ICAM1: variants seen among roughly 807,000 people sequenced by gnomAD.
ICAM1 encodes the protein intercellular adhesion molecule 1, also known as ICAM-1.
Under a neutral mutation model 42.3 loss-of-function variants are expected in ICAM1, and 28 were observed. The observed-to-expected ratio is 0.66, with a 90% confidence interval of 0.49 to 0.91. The LOEUF is 0.91. Among genes scored for constraint, ICAM1 ranks in the 40% least tolerant of loss-of-function variants. ICAM1 has a pLI of 0.00. For missense variants in ICAM1, 637 were observed against 688.6 expected, an observed-to-expected ratio of 0.93 and a Z score of 0.84; for synonymous variants, 304 against 305.9, an observed-to-expected ratio of 0.99 and a Z score of 0.07.
At position 10,284,799 on chromosome 19, in the gene ICAM1, C is replaced by T. The variant is rs144924815; in HGVS notation, c.1197C>T (p.Asp399=). 8.9e-5 allele frequency: 143 copies of T among 1,604,864 alleles called. No homozygotes were observed. Among genetic ancestry groups the T allele is most frequent in the East Asian group, 2.2e-4 (10 of 44,874 alleles). Residue 399 remains aspartate, a synonymous_variant, in exon 6 of 7, where the codon GAC becomes GAT. Transcript: ENST00000264832. The surrounding 1 kb of genome is among the most constrained non-coding windows in gnomAD (Gnocchi z 5.4). The stretch of plus-strand genomic sequence containing the variant: ...TTTTTCCAGATGGCCCCCGACTGGA[C>T]GAGAGGGATTGTCCGGGAAACTGGA... ...ELRVLYGPRL[D]ERDCPGNWTW... is the part of the protein sequence containing the mutation.
Position 10,274,795 on chromosome 19 carries a change from C to G in ICAM1, c.98C>G (p.Pro33Arg). 1 of 1,614,102 alleles carries G rather than the reference C, an allele frequency of 6.2e-7. No individual in the cohort carries two copies. The highest frequency in any genetic ancestry group is 8.5e-7 in the Non-Finnish European group (1 of 1,180,000). ...GGCAATGCCCAGACATCTGTGTCCC[C>G]CTCAAAAGTCATCCTGCCCCGGGGA... ...GPGNAQTSVS[P>R]SKVILPRGGS... Residue 33 changes from proline to arginine, a missense_variant, in exon 2 of 7, where the codon CCC (proline) becomes CGC (arginine). Pro to Arg is a moderately radical substitution (Grantham distance 103). Transcript: ENST00000264832.
intron 2 of ICAM1, among the ~76,000 whole-genome samples, chr19:10,278,202 A>G (rs778229646): frequency 1.3e-5 from 2 of 152,176 alleles, no homozygotes; most frequent in Non-Finnish European, 2.9e-5. Flanking sequence ...GTCTCTAAAA[A>G]ATAAAAACTG....
intron 2 of ICAM1, among the ~76,000 whole-genome samples, chr19:10,281,164 T>C (rs1320083314): frequency 3.9e-5 from 6 of 151,972 alleles, no homozygotes; most frequent in East Asian, 1.9e-4. Flanking sequence ...TGAGCCACCA[T>C]GTCTGGCCTG....
Position 10,285,110 on chromosome 19 carries a change from C to T in ICAM1, c.1427-5C>T, listed in dbSNP as rs1283848874. 5.6e-6 allele frequency: 9 copies of T among 1,614,064 alleles called. No homozygotes were observed. Among genetic ancestry groups the T allele is most frequent in the Non-Finnish European group, 5.9e-6 (7 of 1,179,996 alleles). ...TCCTCACCGCCTGTTGTATCCTCCC[C>T]ACAGCCCCCCGGTATGAGATTGTCA... On this transcript the variant is annotated splice_region_variant and splice_polypyrimidine_tract_variant and intron_variant, in intron 6 of 6. Coordinates refer to ENST00000264832, the MANE Select transcript of ICAM1 (RefSeq NM_000201.3).
chr19:10,280,913 G>A (rs1339395621), intron 2 of ICAM1, among the ~76,000 whole-genome samples: 4 of 112,376 alleles, frequency 3.6e-5, no homozygotes, highest in Admixed American at 2.6e-4. Flanking sequence ...TCACTCTGTC[G>A]CCCAGGCAGG....
At chr19:10,280,988 C>G (rs377180693) in intron 2 of ICAM1, among the ~76,000 whole-genome samples, 3 of 150,504 alleles carry the variant, frequency 2.0e-5, no homozygotes, top group Admixed American at 6.7e-5. Flanking sequence ...ATCCTCCTGC[C>G]TTAGCCTCCT....
At chr19:10,274,704 G>C (rs926864527) in intron 1 of ICAM1, 61 bp from the exon 2 acceptor site, 3 of 1,567,868 alleles carry the variant, frequency 1.9e-6, no homozygotes, top group Non-Finnish European at 2.6e-6. Flanking sequence ...CAGGCTGGGC[G>C]CACATTCCCT....
At position 10,272,604 on chromosome 19, in the gene ICAM1, G is replaced by T. The variant is rs5030342; in HGVS notation, c.67+1378G>T. Among the ~76,000 whole-genome samples the T allele has an allele frequency of 5.3e-3, 654 of 122,392 alleles. 5 individuals carry two copies. The highest frequency in any genetic ancestry group is 0.02 in the African/African-American group (616 of 30,420). The allele number at this position is 122,392 out of a possible 152,430, so 80.3% of individuals were successfully genotyped here. ...TTTTGAGACGGAGTCTCACTCTGTC[G>T]CCCAGGCTGGAGTGCAGTGGCGTGA... On this transcript the variant is annotated intron_variant, in intron 1 of 6. Coordinates refer to ENST00000264832, the MANE Select transcript of ICAM1 (RefSeq NM_000201.3).
chr19:10,280,868 CTTTTTT>C (rs869262659), intron 2 of ICAM1, among the ~76,000 whole-genome samples: 1 of 70,086 alleles, frequency 1.4e-5, no homozygotes. Context: ...CGTGCCCGGC[CTTTTTT>C]TTTTTTTTTT....
chr19:10,284,873 A>T lies in ICAM1; in HGVS notation c.1271A>T (p.Asn424Ile), dbSNP rs552634203. 2 of 1,594,854 alleles carry T rather than the reference A, an allele frequency of 1.3e-6. No individual in the cohort carries two copies. Among genetic ancestry groups the T allele is most frequent in the Non-Finnish European group, 8.5e-7 (1 of 1,173,088 alleles). The change falls in exon 6 of 7, where the codon AAC (asparagine) becomes ATC (isoleucine). Residue 424 changes from asparagine (N) to isoleucine (I), a missense_variant. Coordinates refer to ENST00000264832, the MANE Select transcript of ICAM1 (RefSeq NM_000201.3). This position sits in a 1 kb window ranked among gnomAD's most constrained non-coding sequence, Gnocchi z 5.4. ...QQTPMCQAWGNPLPELKCLKD... is the reference protein window; with the variant it reads ...QQTPMCQAWGIPLPELKCLKD... ...ACTCCAATGTGCCAGGCTTGGGGGA[A>T]CCCATTGCCCGAGCTCAAGTGTCTA...
In ICAM1 at chr19:10,284,412, C is replaced by T. The variant is rs768543917; in HGVS notation, c.935C>T (p.Ala312Val). The change falls in exon 5 of 7, where the codon GCG becomes GTG. Residue 312 changes from alanine (A) to valine (V), a missense_variant. By Grantham distance (64) the Ala-to-Val change is moderately conservative. Coordinates refer to ENST00000264832, the MANE Select transcript of ICAM1 (RefSeq NM_000201.3). The surrounding 1 kb of genome is among the most constrained non-coding windows in gnomAD (Gnocchi z 5.4). Reference sequence around the variant, plus strand: ...TGTGTGCCTATTCCAGGCTTTCCGGCGCCCAACGTGATTCTGACGAAGCCA... The same window carrying T: ...TGTGTGCCTATTCCAGGCTTTCCGGTGCCCAACGTGATTCTGACGAAGCCA... The part of the protein sequence containing the change: ...LQTVTIYSFP[A>V]PNVILTKPEV... 19 of 1,613,168 alleles carry T rather than the reference C, an allele frequency of 1.2e-5. No individual in the cohort carries two copies. The highest frequency in any genetic ancestry group is 1.6e-4 in the Middle Eastern group (1 of 6,062).
intron 2 of ICAM1, 91 bp downstream of exon 2, chr19:10,275,119 A>G: frequency 7.3e-7 from 1 of 1,362,744 alleles, no homozygotes. Flanking sequence ...AATCTTTGCC[A>G]CTTGCTCGTA....
chr19:10,278,565 TTTTTTTC>T (rs1435525533), intron 2 of ICAM1, among the ~76,000 whole-genome samples: 4,344 of 103,930 alleles, frequency 0.042, 476 homozygotes, highest in Non-Finnish European at 0.059. Context: ...TTTTTTTTTT[TTTTTTTC>T]TTTTTTTTGA....
intron 1 of ICAM1, among the ~76,000 whole-genome samples, chr19:10,272,714 T>A (rs1043512725): frequency 6.6e-6 from 1 of 151,940 alleles, no homozygotes; most frequent in Non-Finnish European, 1.5e-5. Context: ...TACAGGCATG[T>A]GCCATCACAC....
intron 2 of ICAM1, among the ~76,000 whole-genome samples, chr19:10,280,906 C>T (rs2040051625): frequency 8.0e-6 from 1 of 124,520 alleles, no homozygotes; most frequent in Admixed American, 9.1e-5. Flanking sequence ...CAGAGTCTCA[C>T]TCTGTCGCCC....
At chr19:10,272,700 G>A (rs947946881) in intron 1 of ICAM1, among the ~76,000 whole-genome samples, 5 of 151,396 alleles carry the variant, frequency 3.3e-5, no homozygotes, top group African/African-American at 1.2e-4. Context: ...TGAGTAGCTG[G>A]GACTACAGGC....
At chr19:10,275,894 G>C (rs2040013031) in intron 2 of ICAM1, among the ~76,000 whole-genome samples, 2 of 151,540 alleles carry the variant, frequency 1.3e-5, no homozygotes, top group South Asian at 4.2e-4. Flanking sequence ...ATTTTTAGTA[G>C]AGACGGGGTT....
At chr19:10,277,553 T>C (rs1165516103) in intron 2 of ICAM1, among the ~76,000 whole-genome samples, 1 of 151,916 alleles carries the variant, frequency 6.6e-6, no homozygotes, top group African/African-American at 2.4e-5. Flanking sequence ...AATGGTGTAA[T>C]CTCAGCTCAC....
chr19:10,280,063 G>A (rs527750443), intron 2 of ICAM1, among the ~76,000 whole-genome samples: 10 of 152,246 alleles, frequency 6.6e-5, no homozygotes, highest in Non-Finnish European at 8.8e-5. Context: ...TTGTCCACGC[G>A]GCCCATGTTG....
Sources: gnomAD v4.1 joint callset for allele counts (sites outside exome capture counted in the v4.1 genomes callset) on GRCh38, gnomAD v4.1.1 for gene constraint, Gnocchi (gnomAD v3.1) non-coding constraint, MANE v1.5 for transcripts, NCBI Gene and HGNC (gene_info 2026-07-23, HGNC 2026-07-21) for gene names.